Variants in CFAP251 observed in about 807,000 individuals in gnomAD.
CFAP251 encodes the protein cilia and flagella associated protein 251, also known as cilia- and flagella-associated protein 251.
A neutral mutation model predicts 126.7 loss-of-function variants in CFAP251; 93 were observed. The observed-to-expected ratio is 0.73, with a 90% CI of 0.62 to 0.87. CFAP251 has a LOEUF of 0.87. Among genes scored for constraint, CFAP251 ranks in the 40% least tolerant of loss-of-function variants. The pLI is 0.00. For missense variants in CFAP251, 1,287 were observed against 1,389.2 expected (o/e 0.93, Z 1.17); for synonymous variants, 503 against 506.9 (o/e 0.99, Z 0.10).
At chr12:121,947,338 T>G (rs1881360082) in intron 7 of CFAP251, among the ~76,000 whole-genome samples, 1 of 152,208 alleles carries the variant, frequency 6.6e-6, no homozygotes, top group Non-Finnish European at 1.5e-5. Context: ...CATCTTGTCC[T>G]CTACTTCCTG....
At chr12:121,958,130 G>T (rs1881792980) in intron 11 of CFAP251, 142 bp from the exon 12 acceptor site, 1 of 1,230,962 alleles carries the variant, frequency 8.1e-7, no homozygotes, top group Non-Finnish European at 1.1e-6. Flanking sequence ...GGTATTGGTG[G>T]TATATTTTTG....
intron 13 of CFAP251, among the ~76,000 whole-genome samples, chr12:121,960,072 G>A (rs943970142): frequency 6.6e-6 from 1 of 152,214 alleles, no homozygotes; most frequent in African/African-American, 2.4e-5. Flanking sequence ...GACTGAGACT[G>A]CAGTGAGCCG....
intron 3 of CFAP251, 30 bp from the exon 4 acceptor site, chr12:121,931,716 T>C: frequency 6.6e-7 from 1 of 1,513,542 alleles, no homozygotes. Flanking sequence ...CACGCTGTAA[T>C]GTCTTGCTGG....
rs1283615458 is a variant in CFAP251 at position 122,003,800 on chromosome 12, G to A, written c.*36G>A. 7.8e-6 allele frequency: 12 copies of A among 1,535,796 alleles called. No homozygotes were observed. In the Admixed American group the frequency reaches 2.4e-4, roughly 31 times the overall value. ...AATGTTTAAAGCACAAAGGACTTTG[G>A]GTGTGTGTGCATGCACATGTGTGTG... On this transcript the variant is annotated 3_prime_UTR_variant, in exon 22 of 22. Coordinates refer to ENST00000288912, the MANE Select transcript of CFAP251 (RefSeq NM_144668.6).
At chr12:121,967,440 C>T (rs530231073) in intron 16 of CFAP251, among the ~76,000 whole-genome samples, 6 of 152,294 alleles carry the variant, frequency 3.9e-5, no homozygotes, top group South Asian at 2.1e-4. Context: ...AGGTGGCTCA[C>T]GCCTGTAATC....
At chr12:121,993,024 C>A (rs560005759) in intron 19 of CFAP251, among the ~76,000 whole-genome samples, 2 of 145,188 alleles carry the variant, frequency 1.4e-5, no homozygotes, top group Non-Finnish European at 3.0e-5. Flanking sequence ...CCCTCTCATG[C>A]GGAGCCGAAG....
At chr12:121,943,693 G>A (rs549226357) in intron 7 of CFAP251, among the ~76,000 whole-genome samples, 1 of 152,154 alleles carries the variant, frequency 6.6e-6, no homozygotes, top group East Asian at 1.9e-4. Flanking sequence ...CCAAAATGTT[G>A]GGATTACAGG....
At chr12:121,931,219 G>T (rs1318051815) in intron 3 of CFAP251, among the ~76,000 whole-genome samples, 2 of 152,162 alleles carry the variant, frequency 1.3e-5, no homozygotes, top group African/African-American at 2.4e-5. Flanking sequence ...TCTGTGTATT[G>T]TTGAAGACTT....
chr12:121,924,302 G>A (rs997211491), intron 3 of CFAP251, among the ~76,000 whole-genome samples: 3 of 150,862 alleles, frequency 2.0e-5, no homozygotes, highest in African/African-American at 4.9e-5. Flanking sequence ...TAGAGATGGC[G>A]TCTCGCCACG....
intron 7 of CFAP251, 124 bp from the exon 8 acceptor site, chr12:121,948,860 G>T: frequency 5.4e-6 from 3 of 550,750 alleles, no homozygotes; most frequent in Non-Finnish European, 9.3e-6. Context: ...ACGAAATGCG[G>T]TATCTTTTCT....
At chr12:121,992,397 T>C in intron 19 of CFAP251, 1 of 985,252 alleles carries the variant, frequency 1.0e-6, no homozygotes, top group Non-Finnish European at 1.2e-6. Flanking sequence ...GAGTAAGAGG[T>C]GAATCACATG....
intron 3 of CFAP251, 37 bp from the exon 4 acceptor site, chr12:121,931,709 G>A (rs750960242): frequency 2.0e-6 from 3 of 1,493,564 alleles, no homozygotes; most frequent in Admixed American, 2.4e-5. Context: ...GGCTGAACAC[G>A]CTGTAATGTC....
At chr12:121,946,511 A>G (rs757395961) in intron 7 of CFAP251, among the ~76,000 whole-genome samples, 19 of 152,188 alleles carry the variant, frequency 1.2e-4, no homozygotes, top group South Asian at 2.1e-4. Context: ...GTCGATCCCT[A>G]TTTTGAATGT....
At chr12:121,991,484 C>T (rs1882873407) in intron 19 of CFAP251, among the ~76,000 whole-genome samples, 1 of 152,098 alleles carries the variant, frequency 6.6e-6, no homozygotes, top group South Asian at 2.1e-4. Context: ...TTCACGTGAC[C>T]TAGGGACTTA....
chr12:121,980,364 C>T (rs1472392449), intron 19 of CFAP251, among the ~76,000 whole-genome samples: 3 of 151,354 alleles, frequency 2.0e-5, no homozygotes, highest in Non-Finnish European at 1.5e-5. Flanking sequence ...CCACGGAATT[C>T]TGAGCAAGGC....
chr12:121,933,906 A>G (rs1880788006), intron 4 of CFAP251, among the ~76,000 whole-genome samples: 1 of 152,168 alleles, frequency 6.6e-6, no homozygotes, highest in African/African-American at 2.4e-5. Flanking sequence ...GCAGTGTTCT[A>G]GAGAGAAGAG....
At chr12:121,975,976 T>G (rs1882446912) in intron 19 of CFAP251, among the ~76,000 whole-genome samples, 1 of 152,008 alleles carries the variant, frequency 6.6e-6, no homozygotes, top group Non-Finnish European at 1.5e-5. Flanking sequence ...GCCCTGACCC[T>G]TGCTAGGTGA....
At chr12:121,994,225 C>T (rs1882969847) in intron 19 of CFAP251, among the ~76,000 whole-genome samples, 1 of 74,768 alleles carries the variant, frequency 1.3e-5, no homozygotes, top group Admixed American at 1.0e-4. Context: ...CCGGCCGCCC[C>T]TACTGGGAAG....
intron 5 of CFAP251, among the ~76,000 whole-genome samples, chr12:121,935,764 T>G (rs907636012): frequency 3.3e-5 from 5 of 152,264 alleles, no homozygotes; most frequent in Admixed American, 6.5e-5. Context: ...GAGGGGAGGT[T>G]GACAGCCCAC....
Sources: gnomAD v4.1 joint callset for allele counts (sites outside exome capture counted in the v4.1 genomes callset) on GRCh38, gnomAD v4.1.1 for gene constraint, MANE v1.5 for transcripts, NCBI Gene and HGNC (gene_info 2026-07-23, HGNC 2026-07-21) for gene names.